Variants in CANT1 observed in about 807,000 individuals in gnomAD.
The protein encoded by CANT1 is calcium activated nucleotidase 1.
A neutral mutation model predicts 30.0 loss-of-function variants in CANT1; 26 were observed. The observed-to-expected ratio is 0.87, with a 90% CI of 0.64 to 1.20. The LOEUF is 1.20. Among genes scored for constraint, CANT1 ranks in the 50% most tolerant of loss-of-function variants. The probability of loss-of-function intolerance (pLI) is 0.00; values close to 1 mark genes in which losing one functional copy is unlikely to be tolerated. For synonymous variants in CANT1, 246 were observed against 251.8 expected (o/e 0.98, Z 0.22); for missense variants, 518 against 563.0 (o/e 0.92, Z 0.81).
In CANT1 at chr17:78,997,260, C is replaced by T; in HGVS notation, c.363G>A (p.Glu121=). The part of the protein sequence containing the change: ...ADLDTESRAQ[E]ENTWFSYLKK... Reference sequence around the variant, plus strand: ...TCAGGTAACTGAACCAGGTGTTTTCCTCTTGGGCCCTTGACTCTGTGTCCA... The same window carrying T: ...TCAGGTAACTGAACCAGGTGTTTTCTTCTTGGGCCCTTGACTCTGTGTCCA... Residue 121 remains glutamate, a synonymous_variant, in exon 3 of 5, where the codon GAG becomes GAA. Transcript: ENST00000392446. The surrounding 1 kb of genome is among the most constrained non-coding windows in gnomAD (Gnocchi z 7.5). The T allele has an allele frequency of 6.2e-7, 1 of 1,614,234 alleles. No individual in the cohort carries two copies. The highest frequency in any genetic ancestry group is 8.5e-7 in the Non-Finnish European group (1 of 1,180,050).
Position 78,995,450 on chromosome 17 carries a change from A to G in CANT1, c.632-229T>C, listed in dbSNP as rs1008632101. The stretch of plus-strand genomic sequence containing the variant: ...ACTCTCAAGTCTCCTCTGATCCCCA[A>G]CTCCCCGCTCCTCAAGCTGTAACCC... On this transcript the variant is annotated intron_variant, in intron 3 of 4. Transcript: ENST00000392446. This position sits in a 1 kb window ranked among gnomAD's most constrained non-coding sequence, Gnocchi z 5.7. Among the ~76,000 whole-genome samples, 2 of 151,900 alleles carry G rather than the reference A, an allele frequency of 1.3e-5. No homozygotes were observed. Among genetic ancestry groups the G allele is most frequent in the South Asian group, 2.1e-4 (1 of 4,810 alleles).
In CANT1 at chr17:78,992,975, G is replaced by A. The variant is rs913017132; in HGVS notation, c.*575C>T. 2 of 357,742 alleles carry A rather than the reference G, an allele frequency of 5.6e-6. No individual in the cohort carries two copies. Among genetic ancestry groups the A allele is most frequent in the African/African-American group, 4.1e-5 (2 of 49,124 alleles). The allele number at this position is 357,742 out of a possible 1,614,324, so 22.2% of individuals were successfully genotyped here. A position where few individuals can be genotyped will look rare whatever the true frequency, so the allele number is the denominator to read the frequency against. On this transcript the variant is annotated 3_prime_UTR_variant, in exon 5 of 5. Coordinates refer to ENST00000392446, the MANE Select transcript of CANT1 (RefSeq NM_001159773.2). ...CTGAGGCCTGAGAACCAACAGATGTGCCTGCGCCCTGGCCTGTGCAGCTGT... is the reference window on the plus strand; with the variant it reads ...CTGAGGCCTGAGAACCAACAGATGTACCTGCGCCCTGGCCTGTGCAGCTGT...
chr17:79,007,637 C>T (rs1413572806), intron 1 of CANT1, among the ~76,000 whole-genome samples: 2 of 152,208 alleles, frequency 1.3e-5, no homozygotes, highest in Non-Finnish European at 2.9e-5. Context: ...TAAAAACACC[C>T]ACAGGGCCAG....
At position 78,998,685 on chromosome 17, in the gene CANT1, G is replaced by A. The variant is rs536217782; in HGVS notation, c.-146-722C>T. On this transcript the variant is annotated intron_variant, in intron 1 of 4. Coordinates refer to ENST00000392446, the MANE Select transcript of CANT1 (RefSeq NM_001159773.2). The surrounding 1 kb of genome is among the most constrained non-coding windows in gnomAD (Gnocchi z 4.5). ...GGGGCACCAGGCCCACGTCTGCGCC[G>A]CCTTGGTGAGAGCTGCCTGTCTCTG... 3.3e-5 allele frequency among the ~76,000 whole-genome samples: 5 copies of A among 152,370 alleles called. No homozygotes were observed. Among genetic ancestry groups the A allele is most frequent in the East Asian group, 1.9e-4 (1 of 5,186 alleles).
Position 78,997,903 on chromosome 17 carries a change from G to T in CANT1, c.-86C>A. Reference sequence around the variant, plus strand: ...TTACTCCATCTCCCCTGTCCCAGCTGGCAACGTGGGAAGCTGAGTGAGGAA... The same window carrying T: ...TTACTCCATCTCCCCTGTCCCAGCTTGCAACGTGGGAAGCTGAGTGAGGAA... On this transcript the variant is annotated 5_prime_UTR_variant, in exon 2 of 5. Coordinates refer to ENST00000392446, the MANE Select transcript of CANT1 (RefSeq NM_001159773.2). This position sits in a 1 kb window ranked among gnomAD's most constrained non-coding sequence, Gnocchi z 7.5. 1 of 393,794 alleles carries T rather than the reference G, an allele frequency of 2.5e-6. No individual in the cohort carries two copies. The highest frequency in any genetic ancestry group is 6.4e-5 in the South Asian group (1 of 15,630). The allele number at this position is 393,794 out of a possible 1,614,324, so 24.4% of individuals were successfully genotyped here. A position where few individuals can be genotyped will look rare whatever the true frequency, so the allele number is the denominator to read the frequency against.
At position 78,996,910 on chromosome 17, in the gene CANT1, T is replaced by C. The variant is rs775368826; in HGVS notation, c.631+82A>G. ...CTGGCTTCTAGGTGTGTGAATTCTT[T>C]ACCATGTGCCTGTGTTTGCCAGCCA... is the stretch of plus-strand genomic sequence containing the variant. On this transcript the variant is annotated intron_variant, in intron 3 of 4. Transcript: ENST00000392446. The surrounding 1 kb of genome is among the most constrained non-coding windows in gnomAD (Gnocchi z 5.1). 3 of 1,581,034 alleles carry C rather than the reference T, an allele frequency of 1.9e-6. No individual in the cohort carries two copies. Among genetic ancestry groups the C allele is most frequent in the Non-Finnish European group, 1.7e-6 (2 of 1,159,318 alleles).
chr17:78,992,340 T>G lies in CANT1; in HGVS notation c.*1210A>C. The G allele has an allele frequency of 1.2e-5, 3 of 243,638 alleles. No homozygotes were observed. The highest frequency in any genetic ancestry group is 2.4e-5 in the Non-Finnish European group (3 of 123,976). 15.1% of individuals were successfully genotyped at this position (243,638 alleles called of 1,614,324 possible). On this transcript the variant is annotated 3_prime_UTR_variant, in exon 5 of 5. Coordinates refer to ENST00000392446, the MANE Select transcript of CANT1 (RefSeq NM_001159773.2). ...GTAGGAGTGAGGGTGGGGGTCGGGG[T>G]GAGGTAGTGCTGTGGGGAGGGCACT...
In CANT1 at chr17:78,996,851, G is replaced by T. The variant is rs1804918112; in HGVS notation, c.631+141C>A. Reference sequence around the variant, plus strand: ...CTAAGGGTAAGGGGGCCGCAGGTCAGAGCAAGAGGGAGACGTGCTCCCTCA... The same window carrying T: ...CTAAGGGTAAGGGGGCCGCAGGTCATAGCAAGAGGGAGACGTGCTCCCTCA... On this transcript the variant is annotated intron_variant, in intron 3 of 4. Coordinates refer to ENST00000392446, the MANE Select transcript of CANT1 (RefSeq NM_001159773.2). This position sits in a 1 kb window ranked among gnomAD's most constrained non-coding sequence, Gnocchi z 5.1. 2 of 1,199,006 alleles carry T rather than the reference G, an allele frequency of 1.7e-6. No individual in the cohort carries two copies. Among genetic ancestry groups the T allele is most frequent in the Admixed American group, 3.4e-5 (2 of 59,512 alleles). The allele number at this position is 1,199,006 out of a possible 1,614,324, so 74.3% of individuals were successfully genotyped here.
Position 78,997,355 on chromosome 17 carries a change from TG to T in CANT1, c.267del (p.Asp89GlufsTer41). 1 of 1,613,430 alleles carries T rather than the reference TG, an allele frequency of 6.2e-7. No individual in the cohort carries two copies. The highest frequency in any genetic ancestry group is 8.5e-7 in the Non-Finnish European group (1 of 1,179,892). On this transcript the variant is annotated frameshift_variant, in exon 3 of 5. Transcript: ENST00000392446. LOFTEE classifies it high-confidence loss of function. This position sits in a 1 kb window ranked among gnomAD's most constrained non-coding sequence, Gnocchi z 7.5. Reference protein sequence around the residue: ...LGQAPANWYNDTYPLSPPQRT... With the variant: ...LGQAPANWYNXTYPLSPPQRT... ...CTTTGTGGGGGAGACAGGGGGTAGGTGTCATTGTACCAGTTGGCGGGCGCCT... is the reference window on the plus strand; with the variant it reads ...CTTTGTGGGGGAGACAGGGGGTAGGTTCATTGTACCAGTTGGCGGGCGCCT...
At chr17:79,000,904 A>C (rs1295201961) in intron 1 of CANT1, among the ~76,000 whole-genome samples, 1 of 152,182 alleles carries the variant, frequency 6.6e-6, no homozygotes, top group Non-Finnish European at 1.5e-5. Context: ...TCACAGCCCC[A>C]GCACCTGACG....
intron 1 of CANT1, among the ~76,000 whole-genome samples, chr17:79,007,809 G>A (rs922422042): frequency 1.2e-4 from 19 of 152,206 alleles, no homozygotes; most frequent in African/African-American, 4.3e-4. Context: ...GGAAAATATG[G>A]TTATAGCCTA....
rs2070888876 is a variant in CANT1, at chr17:78,992,961, G to A, written c.*589C>T. 1 of 355,912 alleles carries A rather than the reference G, an allele frequency of 2.8e-6. No homozygotes were observed. Among genetic ancestry groups the A allele is most frequent in the Non-Finnish European group, 5.4e-6 (1 of 186,748 alleles). The allele number at this position is 355,912 out of a possible 1,614,324, so 22.0% of individuals were successfully genotyped here. On this transcript the variant is annotated 3_prime_UTR_variant, in exon 5 of 5. Coordinates refer to ENST00000392446, the MANE Select transcript of CANT1 (RefSeq NM_001159773.2). Reference sequence around the variant, plus strand: ...GGAGATGGTTTTATCTGAGGCCTGAGAACCAACAGATGTGCCTGCGCCCTG... The same window carrying A: ...GGAGATGGTTTTATCTGAGGCCTGAAAACCAACAGATGTGCCTGCGCCCTG...
rs1771386735 is a variant in CANT1 at position 79,008,737 on chromosome 17, G to A, written c.-147+927C>T. Among the ~76,000 whole-genome samples the A allele has an allele frequency of 6.6e-6, 1 of 152,214 alleles. No homozygotes were observed. Among genetic ancestry groups the A allele is most frequent in the African/African-American group, 2.4e-5 (1 of 41,450 alleles). The stretch of plus-strand genomic sequence containing the variant: ...TTCGGAGGGAGAAGCAAAGGCACCA[G>A]GCAACATGGACTGGCAAGGAGGTAC... On this transcript the variant is annotated intron_variant, in intron 1 of 4. Transcript: ENST00000392446. This position sits in a 1 kb window ranked among gnomAD's most constrained non-coding sequence, Gnocchi z 4.4.
intron 1 of CANT1, among the ~76,000 whole-genome samples, chr17:79,001,150 G>A (rs1048098844): frequency 7.2e-5 from 11 of 152,208 alleles, no homozygotes; most frequent in Non-Finnish European, 2.9e-5. Context: ...AACGGTGCCT[G>A]CATAGACTGC....
In CANT1 at chr17:79,008,074, C is replaced by A. The variant is rs1439934581; in HGVS notation, c.-147+1590G>T. ...AATCCATGCTTCACCTGAGTCCTGG[C>A]CGTGAAGATGCCTGGGGCTGCCCCG... On this transcript the variant is annotated intron_variant, in intron 1 of 4. Transcript: ENST00000392446. The surrounding 1 kb of genome is among the most constrained non-coding windows in gnomAD (Gnocchi z 4.4). The A allele has an allele frequency of 1.3e-5, 2 of 152,306 alleles. No homozygotes were observed. The highest frequency in any genetic ancestry group is 1.9e-4 in the East Asian group (1 of 5,198). 9.4% of individuals were successfully genotyped at this position (152,306 alleles called of 1,614,324 possible). A position where few individuals can be genotyped will look rare whatever the true frequency, so the allele number is the denominator to read the frequency against.
At position 78,995,236 on chromosome 17, in the gene CANT1, T is replaced by C. The variant is rs186671535; in HGVS notation, c.632-15A>G. ...GGCCTTGAAGCCTGGCCAAGCAGAG[T>C]GTCCTTAGGCCCCGCACCCAGCTCC... On this transcript the variant is annotated splice_polypyrimidine_tract_variant and intron_variant, in intron 3 of 4. Coordinates refer to ENST00000392446, the MANE Select transcript of CANT1 (RefSeq NM_001159773.2). The surrounding 1 kb of genome is among the most constrained non-coding windows in gnomAD (Gnocchi z 5.7). The C allele has an allele frequency of 6.2e-7, 1 of 1,611,054 alleles. No individual in the cohort carries two copies. The highest frequency in any genetic ancestry group is 8.5e-7 in the Non-Finnish European group (1 of 1,179,272).
intron 1 of CANT1, chr17:79,000,177 C>T (rs979362160): frequency 3.3e-5 from 5 of 152,194 alleles, no homozygotes; most frequent in African/African-American, 1.2e-4. Flanking sequence ...ACTTGCTCCT[C>T]GTCTCCCCTT....
In CANT1 at chr17:78,995,189, C is replaced by T. The variant is rs1166624780; in HGVS notation, c.664G>A (p.Glu222Lys). ...FKAEWLAVKD[E>K]RLYVGGLGKE... ...CCCAGGCCGCCCACGTACAGACGCT[C>T]GTCCTTCACTGCCAGCCATTCGGCC... Residue 222 changes from glutamate to lysine, a missense_variant, in exon 4 of 5, where the codon GAG becomes AAG. Physicochemically the swap from Glu to Lys is moderately conservative, Grantham distance 56. Transcript: ENST00000392446. The surrounding 1 kb of genome is among the most constrained non-coding windows in gnomAD (Gnocchi z 5.7). 2.5e-5 allele frequency: 41 copies of T among 1,613,936 alleles called. No homozygotes were observed. The highest frequency in any genetic ancestry group is 1.7e-4 in the Middle Eastern group (1 of 6,042).
At position 78,996,179 on chromosome 17, in the gene CANT1, G is replaced by A. The variant is rs541548425; in HGVS notation, c.631+813C>T. ...GGCAAACACTGAAGATTTTATCACC[G>A]GGTGTGGGGAGGGCCTGGCCGGCCA... On this transcript the variant is annotated intron_variant, in intron 3 of 4. Transcript: ENST00000392446. This position sits in a 1 kb window ranked among gnomAD's most constrained non-coding sequence, Gnocchi z 5.1. Among the ~76,000 whole-genome samples, 10 of 152,306 alleles carry A rather than the reference G, an allele frequency of 6.6e-5. No individual in the cohort carries two copies. The highest frequency in any genetic ancestry group is 2.4e-4 in the African/African-American group (10 of 41,562).
Sources: allele counts gnomAD v4.1 joint callset (sites outside exome capture counted in the v4.1 genomes callset), GRCh38; gene constraint gnomAD v4.1.1; non-coding constraint Gnocchi (gnomAD v3.1); transcripts MANE v1.5; gene names NCBI Gene and HGNC (gene_info 2026-07-23, HGNC 2026-07-21).